Variants in CDH12 observed in about 807,000 individuals in gnomAD.
CDH12 encodes the protein cadherin 12.
In CDH12, 41 loss-of-function variants were observed where a neutral mutation model predicts 74.1. That is an observed-to-expected ratio of 0.55 (90% CI 0.43 to 0.72). The LOEUF is 0.72. Ranked by LOEUF, CDH12 falls within the 30% of genes least tolerant of loss-of-function variation. CDH12 has a pLI of 0.00. For missense variants in CDH12, 945 were observed against 977.2 expected (o/e 0.97, Z 0.44); for synonymous variants, 399 against 355.0 (o/e 1.12, Z -1.39).
chr5:21,947,607 A>G (rs1219507200), intron 6 of CDH12, among the ~76,000 whole-genome samples: 2 of 152,216 alleles, frequency 1.3e-5, no homozygotes, highest in African/African-American at 4.8e-5. Flanking sequence ...GCAGGGCATA[A>G]AAGTTTGGAA....
intron 1 of CDH12, among the ~76,000 whole-genome samples, chr5:22,669,006 G>C (rs1045565500): frequency 6.6e-6 from 1 of 151,936 alleles, no homozygotes; most frequent in African/African-American, 2.4e-5. Flanking sequence ...ACTTTCACTT[G>C]AGGCACCAGG....
chr5:22,723,303 C>T (rs534482133), intron 1 of CDH12, among the ~76,000 whole-genome samples: 33 of 152,114 alleles, frequency 2.2e-4, no homozygotes, highest in African/African-American at 7.5e-4. Context: ...TTACACAAAG[C>T]GTTTATACGT....
intron 2 of CDH12, among the ~76,000 whole-genome samples, chr5:22,415,911 A>T (rs1367948208): frequency 6.6e-5 from 10 of 152,048 alleles, no homozygotes; most frequent in Non-Finnish European, 4.4e-5. Flanking sequence ...AAAACAATAA[A>T]AAAAAAAATT....
rs190690219 is a variant in CDH12, at chr5:22,037,586, A to T, written c.231+40860T>A. On this transcript the variant is annotated intron_variant, in intron 5 of 14. Coordinates refer to ENST00000382254, the MANE Select transcript of CDH12 (RefSeq NM_004061.5). ...CTGGCCTACAGAACTGTAAGATATT[A>T]AAGTTGCACTGTTTTAAACCACAGA... is the stretch of plus-strand genomic sequence containing the variant. Among the ~76,000 whole-genome samples, 312 of 152,302 alleles carry T rather than the reference A, an allele frequency of 2.0e-3. 4 individuals are homozygous for T. Among genetic ancestry groups the T allele is most frequent in the African/African-American group, 6.9e-3 (287 of 41,564 alleles).
intron 5 of CDH12, among the ~76,000 whole-genome samples, chr5:21,988,687 AT>A (rs1757622819): frequency 6.6e-6 from 1 of 152,130 alleles, no homozygotes; most frequent in South Asian, 2.1e-4. Flanking sequence ...CACGTAAGAC[AT>A]TGAGGCAAGC....
intron 1 of CDH12, among the ~76,000 whole-genome samples, chr5:22,520,030 A>G (rs1408452115): frequency 6.6e-6 from 1 of 152,156 alleles, no homozygotes; most frequent in Non-Finnish European, 1.5e-5. Flanking sequence ...CTATGATGAG[A>G]AAAAGCTATA....
At chr5:22,678,708 T>G (rs1488597006) in intron 1 of CDH12, among the ~76,000 whole-genome samples, 1 of 152,152 alleles carries the variant, frequency 6.6e-6, no homozygotes, top group Non-Finnish European at 1.5e-5. Flanking sequence ...GTACTAGATA[T>G]TTTCAAATAA....
intron 13 of CDH12, among the ~76,000 whole-genome samples, chr5:21,760,021 C>T (rs1259025033): frequency 6.6e-6 from 1 of 152,090 alleles, no homozygotes; most frequent in African/African-American, 2.4e-5. Context: ...TGATCTCATT[C>T]TTTCTTACGG....
intron 10 of CDH12, among the ~76,000 whole-genome samples, chr5:21,798,029 T>C (rs73054926): frequency 0.019 from 2,899 of 152,194 alleles, 101 homozygotes; most frequent in African/African-American, 0.065. Flanking sequence ...ACCTTTTAAT[T>C]ATTTTTGTTG....
chr5:22,273,628 TGAA>T (rs1448482903), intron 3 of CDH12, among the ~76,000 whole-genome samples: 1 of 152,196 alleles, frequency 6.6e-6, no homozygotes, highest in Non-Finnish European at 1.5e-5. Context: ...ATTTCCTACC[TGAA>T]GAAGAAAAAG....
In CDH12 at chr5:21,842,332, A is replaced by C. The variant is rs760392924; in HGVS notation, c.647-4T>G. The C allele has an allele frequency of 6.3e-7, 1 of 1,580,056 alleles. No individual in the cohort carries two copies. Among genetic ancestry groups the C allele is most frequent in the Non-Finnish European group, 8.6e-7 (1 of 1,161,096 alleles). ...GGCAAAGCTGTTCTAATAACACCTTAAGGGATAAAAGCAATAATGTAAAAT... is the reference window on the plus strand; with the variant it reads ...GGCAAAGCTGTTCTAATAACACCTTCAGGGATAAAAGCAATAATGTAAAAT... On this transcript the variant is annotated splice_region_variant and splice_polypyrimidine_tract_variant and intron_variant, in intron 7 of 14. Coordinates refer to ENST00000382254, the MANE Select transcript of CDH12 (RefSeq NM_004061.5).
At chr5:22,688,334 C>A (rs895612132) in intron 1 of CDH12, among the ~76,000 whole-genome samples, 3 of 152,114 alleles carry the variant, frequency 2.0e-5, no homozygotes, top group African/African-American at 7.2e-5. Context: ...ATGTTTAAAG[C>A]ATTTTAATAA....
At chr5:22,088,978 C>T (rs1743236996) in intron 4 of CDH12, among the ~76,000 whole-genome samples, 1 of 152,154 alleles carries the variant, frequency 6.6e-6, no homozygotes, top group African/African-American at 2.4e-5. Context: ...ACTGACTGAA[C>T]AACATGCTAC....
chr5:22,429,929 C>A (rs1580641231), intron 2 of CDH12, among the ~76,000 whole-genome samples: 1 of 152,048 alleles, frequency 6.6e-6, no homozygotes, highest in Non-Finnish European at 1.5e-5. Context: ...TGTTGATGGC[C>A]ATATAATTAG....
intron 2 of CDH12, among the ~76,000 whole-genome samples, chr5:22,459,085 C>T (rs940692291): frequency 1.3e-5 from 2 of 152,024 alleles, no homozygotes; most frequent in Non-Finnish European, 2.9e-5. Context: ...CCAACTGTTC[C>T]AGGTGTCTCT....
chr5:22,305,108 A>AG (rs766881716), intron 3 of CDH12, among the ~76,000 whole-genome samples: 415 of 2,660 alleles, frequency 0.16, 4 homozygotes, highest in Non-Finnish European at 0.46. Context: ...TATCTATAAC[A>AG]TAAACATATA....
At chr5:22,296,731 T>C (rs1431234009) in intron 3 of CDH12, among the ~76,000 whole-genome samples, 1 of 152,228 alleles carries the variant, frequency 6.6e-6, no homozygotes, top group Admixed American at 6.5e-5. Flanking sequence ...CTAATCTGCT[T>C]CAAGCGTGAA....
chr5:22,705,130 T>TAC (rs1554060406), intron 1 of CDH12, among the ~76,000 whole-genome samples: 2,506 of 125,572 alleles, frequency 0.02, 77 homozygotes, highest in African/African-American at 0.061. Flanking sequence ...TATATATATA[T>TAC]ACACACACAC....
chr5:22,390,085 T>C (rs1742175147), intron 3 of CDH12, among the ~76,000 whole-genome samples: 2 of 152,134 alleles, frequency 1.3e-5, no homozygotes, highest in East Asian at 1.9e-4. Flanking sequence ...TATTCTAGCA[T>C]CCTTGAAGAC....
Sources: allele counts gnomAD v4.1 joint callset (sites outside exome capture counted in the v4.1 genomes callset), GRCh38; gene constraint gnomAD v4.1.1; transcripts MANE v1.5; gene names NCBI Gene and HGNC (gene_info 2026-07-23, HGNC 2026-07-21).